The following PDSS2 variants were observed in gnomAD, a reference collection of about 807,000 sequenced individuals.
PDSS2 encodes the protein all trans-polyprenyl-diphosphate synthase PDSS2.
Under a neutral mutation model 44.5 loss-of-function variants are expected in PDSS2, and 31 were observed. The observed-to-expected ratio is 0.70, with a 90% CI of 0.52 to 0.94. The LOEUF is 0.94. Ranked by LOEUF, PDSS2 falls within the 40% of genes least tolerant of loss-of-function variation. PDSS2 has a pLI of 0.00. For missense variants in PDSS2, 452 were observed against 482.2 expected, an observed-to-expected ratio of 0.94 and a Z score of 0.59; for synonymous variants, 157 against 180.3, an observed-to-expected ratio of 0.87 and a Z score of 1.03.
chr6:107,215,865 G>A (rs373881853), intron 4 of PDSS2, among the ~76,000 whole-genome samples: 4 of 152,090 alleles, frequency 2.6e-5, no homozygotes, highest in African/African-American at 9.7e-5. Flanking sequence ...GGTCGGGAAC[G>A]GTGGCTCATG....
chr6:107,345,040 G>T (rs369095117), intron 1 of PDSS2, among the ~76,000 whole-genome samples: 11 of 152,000 alleles, frequency 7.2e-5, no homozygotes, highest in African/African-American at 2.7e-4. Context: ...TTGAAGCAAG[G>T]GGGTAGAAAA....
chr6:107,454,105 T>C (rs1781958932), intron 1 of PDSS2, among the ~76,000 whole-genome samples: 1 of 151,034 alleles, frequency 6.6e-6, no homozygotes, highest in Non-Finnish European at 1.5e-5. Context: ...TGGAGCACAG[T>C]GGCACGACCA....
Position 107,154,509 on chromosome 6 carries a change from G to T in PDSS2, c.*110C>A. 1 of 999,370 alleles carries T rather than the reference G, an allele frequency of 1.0e-6. No homozygotes were observed. 61.9% of individuals were successfully genotyped at this position (999,370 alleles called of 1,614,324 possible). ...CATTTAGCAATGTGATAAAAGGAAG[G>T]AAAAATGCATATGTTTTAAAAGTCA... On this transcript the variant is annotated 3_prime_UTR_variant, in exon 8 of 8. Coordinates refer to ENST00000369037, the MANE Select transcript of PDSS2 (RefSeq NM_020381.4).
intron 3 of PDSS2, among the ~76,000 whole-genome samples, chr6:107,258,496 A>G (rs1263719696): frequency 1.3e-5 from 2 of 151,454 alleles, no homozygotes; most frequent in African/African-American, 2.4e-5. Flanking sequence ...GCTTTTGCTT[A>G]TAAGTTGCTA....
intron 1 of PDSS2, among the ~76,000 whole-genome samples, chr6:107,435,281 AACACACACACACACACACAC>A (rs57353175): frequency 1.7e-3 from 222 of 133,788 alleles, no homozygotes; most frequent in South Asian, 0.013. Context: ...ACTGCCTCAA[AACACACACACACACACACAC>A]ACACACACAC....
chr6:107,247,995 T>A (rs997625619), intron 3 of PDSS2, among the ~76,000 whole-genome samples: 17 of 151,784 alleles, frequency 1.1e-4, no homozygotes, highest in Admixed American at 9.2e-4. Flanking sequence ...GCACTCCAGT[T>A]TGGGCGACAA....
intron 7 of PDSS2, among the ~76,000 whole-genome samples, chr6:107,184,136 G>A (rs1169148951): frequency 6.6e-6 from 1 of 152,112 alleles, no homozygotes; most frequent in Non-Finnish European, 1.5e-5. Context: ...CCCAGGGTAG[G>A]AGATGCAGCA....
intron 6 of PDSS2, among the ~76,000 whole-genome samples, chr6:107,207,150 GC>G (rs199649751): frequency 0.031 from 4,676 of 152,064 alleles, 235 homozygotes; most frequent in African/African-American, 0.11. Context: ...CCGCCACTGT[GC>G]CCGACTAATT....
At chr6:107,372,084 CAATTA>C in intron 1 of PDSS2, among the ~76,000 whole-genome samples, 1 of 152,184 alleles carries the variant, frequency 6.6e-6, no homozygotes, top group Admixed American at 6.5e-5. Flanking sequence ...TTAAAAGATT[CAATTA>C]AGGAGAAAGT....
chr6:107,207,981 T>TTTTTTTTTG (rs554684340), intron 6 of PDSS2, among the ~76,000 whole-genome samples: 10 of 125,044 alleles, frequency 8.0e-5, no homozygotes, highest in East Asian at 2.8e-4. Context: ...ATGACTTGTT[T>TTTTTTTTTG]TTTTTTTTTT....
chr6:107,401,374 C>G (rs1780100739), intron 1 of PDSS2, among the ~76,000 whole-genome samples: 1 of 151,398 alleles, frequency 6.6e-6, no homozygotes, highest in Admixed American at 6.6e-5. Context: ...CAAAACTAGA[C>G]AACCCTACTA....
rs1770788162 is a variant in PDSS2, at chr6:107,153,812, A to T, written c.*807T>A. The T allele has an allele frequency of 6.6e-6, 1 of 152,464 alleles. No homozygotes were observed. The highest frequency in any genetic ancestry group is 1.5e-5 in the Non-Finnish European group (1 of 68,146). The allele number at this position is 152,464 out of a possible 1,614,324, so 9.4% of individuals were successfully genotyped here. A position where few individuals can be genotyped will look rare whatever the true frequency, so the allele number is the denominator to read the frequency against. On this transcript the variant is annotated 3_prime_UTR_variant, in exon 8 of 8. Coordinates refer to ENST00000369037, the MANE Select transcript of PDSS2 (RefSeq NM_020381.4). ...GACATGAGGCCAGGTGCAGTGGCTC[A>T]AGCCTCTAATCCCAGCACTTTGGGA...
intron 7 of PDSS2, among the ~76,000 whole-genome samples, chr6:107,173,301 C>CGGT (rs201544608): frequency 0.052 from 7,813 of 151,416 alleles, 216 homozygotes; most frequent in Non-Finnish European, 0.069. Context: ...AGGCCAGGCG[C>CGGT]GGTGGCTCAC....
intron 1 of PDSS2, among the ~76,000 whole-genome samples, chr6:107,385,047 A>C (rs1016818349): frequency 6.6e-6 from 1 of 152,218 alleles, no homozygotes; most frequent in African/African-American, 2.4e-5. Context: ...AGGGAGCTTA[A>C]ATGTTCAGAA....
At chr6:107,285,504 G>GA (rs970221490) in intron 2 of PDSS2, among the ~76,000 whole-genome samples, 6 of 150,212 alleles carry the variant, frequency 4.0e-5, no homozygotes, top group African/African-American at 1.2e-4. Context: ...GAAGAAGAAG[G>GA]AAAAAAAAGT....
intron 1 of PDSS2, among the ~76,000 whole-genome samples, chr6:107,433,756 AAAAATGG>A (rs1781264464): frequency 6.6e-6 from 1 of 152,268 alleles, no homozygotes; most frequent in Non-Finnish European, 1.5e-5. Context: ...CAACCAAAGC[AAAAATGG>A]ACAAATGGGA....
intron 2 of PDSS2, among the ~76,000 whole-genome samples, chr6:107,280,682 C>CAACA (rs966572359): frequency 3.9e-4 from 59 of 151,968 alleles, no homozygotes; most frequent in African/African-American, 1.1e-3. Context: ...GACCCTGTCT[C>CAACA]AACAAACAAA....
At chr6:107,452,960 T>C (rs1583106292) in intron 1 of PDSS2, among the ~76,000 whole-genome samples, 2 of 151,770 alleles carry the variant, frequency 1.3e-5, no homozygotes, top group African/African-American at 4.8e-5. Flanking sequence ...CCACCACGCC[T>C]GGCCAGTTTT....
At chr6:107,392,603 G>C (rs977211212) in intron 1 of PDSS2, among the ~76,000 whole-genome samples, 6 of 152,280 alleles carry the variant, frequency 3.9e-5, no homozygotes, top group African/African-American at 1.4e-4. Context: ...AACTTTTAAT[G>C]CATAAACCAT....
Sources: allele counts gnomAD v4.1 joint callset (sites outside exome capture counted in the v4.1 genomes callset), GRCh38; gene constraint gnomAD v4.1.1; transcripts MANE v1.5; gene names NCBI Gene and HGNC (gene_info 2026-07-23, HGNC 2026-07-21).